The following RELCH variants were observed in gnomAD, a reference collection of about 807,000 sequenced individuals.
RELCH encodes the protein RAB11 binding and LisH domain, coiled-coil and HEAT repeat containing.
Under a neutral mutation model 150.3 loss-of-function variants are expected in RELCH, and 41 were observed. The observed-to-expected ratio is 0.27, with a 90% CI of 0.21 to 0.35. The LOEUF is 0.35. Among genes scored for constraint, RELCH ranks in the 10% least tolerant of loss-of-function variants. The pLI is 1.00. For missense variants in RELCH, 1,092 were observed against 1,467.8 expected (o/e 0.74, Z 4.18); for synonymous variants, 478 against 531.8 (o/e 0.90, Z 1.39).
At chr18:62,258,915 A>G (rs1167256370) in intron 15 of RELCH, among the ~76,000 whole-genome samples, 1 of 152,032 alleles carries the variant, frequency 6.6e-6, no homozygotes, top group Admixed American at 6.6e-5. Flanking sequence ...ATGCACCTTC[A>G]TGGAAGTAAC....
intron 2 of RELCH, among the ~76,000 whole-genome samples, chr18:62,212,544 G>A (rs925349832): frequency 2.6e-5 from 4 of 152,180 alleles, no homozygotes; most frequent in African/African-American, 9.6e-5. Context: ...CATACCAAAT[G>A]CTTAACCCTC....
At chr18:62,294,235 C>T (rs1360724373) in intron 27 of RELCH, among the ~76,000 whole-genome samples, 2 of 152,168 alleles carry the variant, frequency 1.3e-5, no homozygotes, top group Admixed American at 6.5e-5. Flanking sequence ...GTAGAATCAA[C>T]AGATTGTACA....
At position 62,245,422 on chromosome 18, in the gene RELCH, G is replaced by A. The variant is rs1209477336; in HGVS notation, c.1733+546G>A. 3.9e-5 allele frequency among the ~76,000 whole-genome samples: 6 copies of A among 152,092 alleles called. No homozygotes were observed. The East Asian group carries it at 5.8e-4, about 15-fold the overall frequency. ...GCAGATCATCTGAGGTCAGGAATTCGTGACCAGCCTGGTCAACATGGTGAA... is the reference window on the plus strand; with the variant it reads ...GCAGATCATCTGAGGTCAGGAATTCATGACCAGCCTGGTCAACATGGTGAA... On this transcript the variant is annotated intron_variant, in intron 11 of 28. Coordinates refer to ENST00000644646, the MANE Select transcript of RELCH (RefSeq NM_001346231.2).
chr18:62,247,844 G>A (rs910781089), intron 11 of RELCH, among the ~76,000 whole-genome samples: 1 of 152,160 alleles, frequency 6.6e-6, no homozygotes, highest in Non-Finnish European at 1.5e-5. Flanking sequence ...ACTGTGCCGA[G>A]CTGATAAATT....
chr18:62,308,601 C>T lies in RELCH; in HGVS notation c.*3067C>T, dbSNP rs2045937936. 6.6e-6 allele frequency: 1 copy of T among 152,144 alleles called. No individual in the cohort carries two copies. The highest frequency in any genetic ancestry group is 2.4e-5 in the African/African-American group (1 of 41,412). The allele number at this position is 152,144 out of a possible 1,614,324, so 9.4% of individuals were successfully genotyped here. The stretch of plus-strand genomic sequence containing the variant: ...GCGTGGTGACGTGGGCCTGTAATCC[C>T]TGCTACTCGGGAGGCTGAGACAGGA... On this transcript the variant is annotated 3_prime_UTR_variant, in exon 29 of 29. Transcript: ENST00000644646.
At chr18:62,218,144 G>A (rs1361699249) in intron 2 of RELCH, among the ~76,000 whole-genome samples, 1 of 151,700 alleles carries the variant, frequency 6.6e-6, no homozygotes, top group African/African-American at 2.4e-5. Flanking sequence ...CAACTGTTCT[G>A]GGATACTAAA....
In RELCH at chr18:62,187,889, C is replaced by G. The variant is rs2038242605; in HGVS notation, c.384C>G (p.Arg128=). The change falls in exon 1 of 29, where the codon CGC becomes CGG. Residue 128 remains arginine (R), a synonymous_variant. Transcript: ENST00000644646. ...LESGRELPRL[R]DYFSNPGNFE... ...GTGGCCGGGAGCTGCCTCGGCTGCG[C>G]GACTACTTCTCCAATCCAGGCAACT... 6.3e-7 allele frequency: 1 copy of G among 1,594,732 alleles called. No individual in the cohort carries two copies. The highest frequency in any genetic ancestry group is 2.3e-5 in the East Asian group (1 of 44,182).
chr18:62,261,524 G>A lies in RELCH; in HGVS notation c.2216G>A (p.Gly739Glu). Residue 739 changes from glycine to glutamate, a missense_variant, in exon 16 of 29, where the codon GGA becomes GAA. Around this residue, in one of 4 missense-constraint regions of RELCH, gnomAD observed 707 missense variants for 1,025.4 expected, o/e 0.69. Coordinates refer to ENST00000644646, the MANE Select transcript of RELCH (RefSeq NM_001346231.2). Reference protein sequence around the residue: ...IEKLLREGEHGLDEHKLHMYL... With the variant: ...IEKLLREGEHELDEHKLHMYL... ...CTTATGTTTCAGGAAGGAGAACATGGACTGGATGAACACAAACTCCACATG... is the reference window on the plus strand; with the variant it reads ...CTTATGTTTCAGGAAGGAGAACATGAACTGGATGAACACAAACTCCACATG... 3 of 1,611,288 alleles carry A rather than the reference G, an allele frequency of 1.9e-6. No individual in the cohort carries two copies. Among genetic ancestry groups the A allele is most frequent in the Non-Finnish European group, 1.7e-6 (2 of 1,178,402 alleles).
intron 1 of RELCH, among the ~76,000 whole-genome samples, chr18:62,203,697 C>G (rs1599808256): frequency 6.6e-6 from 1 of 152,122 alleles, no homozygotes; most frequent in Non-Finnish European, 1.5e-5. Flanking sequence ...ACTATATAAG[C>G]TTCATTTTTA....
intron 22 of RELCH, among the ~76,000 whole-genome samples, chr18:62,275,990 G>A (rs1462839135): frequency 6.6e-6 from 1 of 152,142 alleles, no homozygotes; most frequent in Non-Finnish European, 1.5e-5. Context: ...GCAAAAGAGA[G>A]GAGACCAGGT....
chr18:62,282,339 T>C lies in RELCH; in HGVS notation c.3148T>C (p.Phe1050Leu), dbSNP rs1279565595. ...LERVKMQLAS[F>L]LEDPQYQDQH... is the part of the protein sequence containing the mutation. ...AAGAGTGAAAATGCAGTTGGCTTCT[T>C]TCCTGGAAGATCCTCAGTATCAAGA... Residue 1050 changes from phenylalanine to leucine, a missense_variant, in exon 25 of 29, where the codon TTC becomes CTC. By Grantham distance (22) the Phe-to-Leu change is conservative. Around this residue, in one of 4 missense-constraint regions of RELCH, gnomAD observed 707 missense variants for 1,025.4 expected, o/e 0.69. Transcript: ENST00000644646. 1 of 1,613,240 alleles carries C rather than the reference T, an allele frequency of 6.2e-7. No homozygotes were observed. Among genetic ancestry groups the C allele is most frequent in the Non-Finnish European group, 8.5e-7 (1 of 1,179,480 alleles).
intron 16 of RELCH, among the ~76,000 whole-genome samples, chr18:62,263,665 TG>T (rs1392767015): frequency 6.6e-6 from 1 of 151,924 alleles, no homozygotes; most frequent in Non-Finnish European, 1.5e-5. Flanking sequence ...TTACACAACA[TG>T]AACAAATATT....
chr18:62,297,110 A>G (rs2045447130), intron 27 of RELCH, among the ~76,000 whole-genome samples: 1 of 152,188 alleles, frequency 6.6e-6, no homozygotes, highest in African/African-American at 2.4e-5. Context: ...GCAACCTTGA[A>G]GAGAGACTGG....
chr18:62,253,668 C>A (rs531761370), intron 12 of RELCH, among the ~76,000 whole-genome samples: 1 of 152,138 alleles, frequency 6.6e-6, no homozygotes, highest in South Asian at 2.1e-4. Context: ...TTCCCAAGTT[C>A]TTTGGGCATT....
At position 62,187,940 on chromosome 18, in the gene RELCH, G is replaced by GAGAGGCAAAGT. The variant is rs2038249181; in HGVS notation, c.435_436insAGAGGCAAAGT (p.Gly146ArgfsTer46). 6.3e-7 allele frequency: 1 copy of GAGAGGCAAAGT among 1,598,194 alleles called. No homozygotes were observed. Among genetic ancestry groups the GAGAGGCAAAGT allele is most frequent in the African/African-American group, 1.3e-5 (1 of 74,878 alleles). On this transcript the variant is annotated frameshift_variant, in exon 1 of 29. Transcript: ENST00000644646. LOFTEE classifies it high-confidence loss of function. ...TCGAGAGGCAAAGTGGAACCCCGCC[G>GAGAGGCAAAGT]GGGATGGGGGCGCCAGGGGTCCCTG...
chr18:62,261,635 A>C lies in RELCH; in HGVS notation c.2327A>C (p.His776Pro), dbSNP rs758204529. ...NAPFSSKAKLHGEVPQIEVTR... is the reference protein window; with the variant it reads ...NAPFSSKAKLPGEVPQIEVTR... The stretch of plus-strand genomic sequence containing the variant: ...CCTTTCTCCAGCAAAGCCAAGCTTC[A>C]TGGTGAAGTGCCACAGATAGAAGGT... The change falls in exon 16 of 29, where the codon CAT (histidine) becomes CCT (proline). Residue 776 changes from histidine to proline, a missense_variant. His to Pro is a moderately conservative substitution (Grantham distance 77, BLOSUM62 -2). Coordinates refer to ENST00000644646, the MANE Select transcript of RELCH (RefSeq NM_001346231.2). The C allele has an allele frequency of 6.2e-7, 1 of 1,611,420 alleles. No individual in the cohort carries two copies. Among genetic ancestry groups the C allele is most frequent in the Admixed American group, 1.7e-5 (1 of 59,774 alleles).
chr18:62,298,400 G>C (rs1263219894), intron 27 of RELCH, among the ~76,000 whole-genome samples: 1 of 152,080 alleles, frequency 6.6e-6, no homozygotes, highest in Admixed American at 6.6e-5. Context: ...TTGCAACCTG[G>C]AGAAAGCAAA....
Position 62,187,423 on chromosome 18 carries a change from C to T in RELCH, c.-83C>T. 1.5e-6 allele frequency: 2 copies of T among 1,360,698 alleles called. No individual in the cohort carries two copies. Among genetic ancestry groups the T allele is most frequent in the Non-Finnish European group, 9.7e-7 (1 of 1,026,254 alleles). The allele number at this position is 1,360,698 out of a possible 1,614,324, so 84.3% of individuals were successfully genotyped here. A position where few individuals can be genotyped will look rare whatever the true frequency, so the allele number is the denominator to read the frequency against. ...GTCAGGCCGGGGCTGTGGAGGTGCGCTGTGTCCCCTGAGGCCTAGAGGATT... is the reference window on the plus strand; with the variant it reads ...GTCAGGCCGGGGCTGTGGAGGTGCGTTGTGTCCCCTGAGGCCTAGAGGATT... On this transcript the variant is annotated 5_prime_UTR_variant, in exon 1 of 29. Coordinates refer to ENST00000644646, the MANE Select transcript of RELCH (RefSeq NM_001346231.2).
chr18:62,217,686 G>C (rs984083300), intron 2 of RELCH, among the ~76,000 whole-genome samples: 1 of 151,892 alleles, frequency 6.6e-6, no homozygotes, highest in Non-Finnish European at 1.5e-5. Context: ...TTTAAATTTC[G>C]GAGTCTTCAG....
Sources: gnomAD v4.1 joint callset for allele counts (sites outside exome capture counted in the v4.1 genomes callset) on GRCh38, gnomAD v4.1.1 for gene constraint, gnomAD v4.1.1 regional missense constraint, MANE v1.5 for transcripts, NCBI Gene and HGNC (gene_info 2026-07-23, HGNC 2026-07-21) for gene names.